TRIM37: variants seen among roughly 807,000 people sequenced by gnomAD.
The protein encoded by TRIM37 is E3 ubiquitin-protein ligase TRIM37.
TRIM37 carries 80 observed loss-of-function variants against 129.8 expected under a neutral mutation model. That is an observed-to-expected ratio of 0.62 (90% confidence interval 0.51 to 0.74). The LOEUF is 0.74. Ranked by LOEUF, TRIM37 falls within the 30% of genes least tolerant of loss-of-function variation. The pLI, the probability that TRIM37 is intolerant of heterozygous loss-of-function variation, is 0.00. For synonymous variants in TRIM37, 389 were observed against 387.1 expected, an observed-to-expected ratio of 1.00 and a Z score of -0.06; for missense variants, 1,054 against 1,176.5, an observed-to-expected ratio of 0.90 and a Z score of 1.52.
intron 8 of TRIM37, among the ~76,000 whole-genome samples, chr17:59,074,718 A>C (rs2042661847): frequency 6.6e-6 from 1 of 152,232 alleles, no homozygotes; most frequent in South Asian, 2.1e-4. Context: ...TAAAAATCTC[A>C]GGAGACAGCT....
At chr17:59,025,661 G>A (rs963224793) in intron 19 of TRIM37, among the ~76,000 whole-genome samples, 7 of 151,850 alleles carry the variant, frequency 4.6e-5, no homozygotes, top group African/African-American at 1.7e-4. Flanking sequence ...ATGCAGGTTT[G>A]GCATCACCCG....
intron 22 of TRIM37, among the ~76,000 whole-genome samples, chr17:59,006,034 T>C (rs1005531048): frequency 4.6e-5 from 7 of 152,198 alleles, no homozygotes; most frequent in Non-Finnish European, 5.9e-5. Context: ...TTCTGTGTTG[T>C]TAAAATTAAT....
chr17:59,080,038 C>T (rs1187512454), intron 6 of TRIM37, among the ~76,000 whole-genome samples, 161 bp from the exon 7 acceptor site: 1 of 152,160 alleles, frequency 6.6e-6, no homozygotes, highest in Non-Finnish European at 1.5e-5. Context: ...GGCAGACATG[C>T]AATCAAAAAC....
chr17:58,972,909 G>A, the TRIM37 span: 4 of 1,612,528 alleles, frequency 2.5e-6, no homozygotes, highest in Admixed American at 3.3e-5. Context: ...GAAGTCTGTC[G>A]GTTTCCAGAG....
At chr17:59,105,064 C>T (rs1395118889) in intron 1 of TRIM37, among the ~76,000 whole-genome samples, 1 of 147,802 alleles carries the variant, frequency 6.8e-6, no homozygotes. Flanking sequence ...TGCACTCTAG[C>T]CTGGGTGACA....
chr17:59,064,443 A>C (rs1462878210), intron 9 of TRIM37, 38 bp from the exon 10 acceptor site: 4 of 1,505,358 alleles, frequency 2.7e-6, no homozygotes, highest in Non-Finnish European at 3.6e-6. Context: ...TTTAGCTTAC[A>C]TGTTTAAAAT....
rs71375106 is a variant in TRIM37 at position 59,081,953 on chromosome 17, T to C, written c.370-734A>G. Among the ~76,000 whole-genome samples, 5 of 113,316 alleles carry C rather than the reference T, an allele frequency of 4.4e-5. 1 individual carries two copies. The South Asian group carries it at 1.4e-3, about 32-fold the overall frequency. 74.3% of individuals were successfully genotyped at this position (113,316 alleles called of 152,430 possible). On this transcript the variant is annotated intron_variant, in intron 5 of 23. Coordinates refer to ENST00000262294, the MANE Select transcript of TRIM37 (RefSeq NM_015294.6). Reference sequence around the variant, plus strand: ...AATAAAAACCAAAAAAAAAAAAAAATAAAAAAAAAAAAATAATAATAATAA... The same window carrying C: ...AATAAAAACCAAAAAAAAAAAAAAACAAAAAAAAAAAAATAATAATAATAA...
At chr17:59,033,340 G>A (rs2038095644) in intron 17 of TRIM37, among the ~76,000 whole-genome samples, 1 of 152,084 alleles carries the variant, frequency 6.6e-6, no homozygotes, top group East Asian at 1.9e-4. Context: ...CTCTTCTAAG[G>A]ATTATTATCT....
chr17:59,073,933 T>C (rs1432646643), intron 8 of TRIM37, among the ~76,000 whole-genome samples: 1 of 152,242 alleles, frequency 6.6e-6, no homozygotes, highest in East Asian at 1.9e-4. Flanking sequence ...TCAACGTTTT[T>C]TTAAAAAGTA....
At chr17:58,976,530 T>C in the TRIM37 span, among the ~76,000 whole-genome samples, 60 of 152,226 alleles carry the variant, frequency 3.9e-4, 1 homozygote, top group South Asian at 1.9e-3. Context: ...CTTATAAAAA[T>C]GAAAAGGTTT....
chr17:59,057,112 A>C lies in TRIM37; in HGVS notation c.1020-58T>G, dbSNP rs573090494. 14 of 1,458,880 alleles carry C rather than the reference A, an allele frequency of 9.6e-6. 1 individual carries two copies. In the Admixed American group the frequency reaches 2.4e-4, roughly 25 times the overall value. 90.4% of individuals were successfully genotyped at this position (1,458,880 alleles called of 1,614,324 possible). A position where few individuals can be genotyped will look rare whatever the true frequency, so the allele number is the denominator to read the frequency against. ...TTAGTAAAGTAAGAATAAAAAACAAACTCATCTAAACATTAAGGTCACTAA... is the reference window on the plus strand; with the variant it reads ...TTAGTAAAGTAAGAATAAAAAACAACCTCATCTAAACATTAAGGTCACTAA... On this transcript the variant is annotated intron_variant, in intron 12 of 23. Transcript: ENST00000262294.
At position 58,998,922 on chromosome 17, in the gene TRIM37, TAC is replaced by T. The variant is rs2144387060; in HGVS notation, c.*453_*454del. On this transcript the variant is annotated 3_prime_UTR_variant, in exon 24 of 24. Coordinates refer to ENST00000262294, the MANE Select transcript of TRIM37 (RefSeq NM_015294.6). ...CAAAGCAATTTTCTGTTCACTAATC[TAC>T]AGGCACTAATGGAACTGTAATTAAA... is the stretch of plus-strand genomic sequence containing the variant. 1 of 1,027,266 alleles carries T rather than the reference TAC, an allele frequency of 9.7e-7. No individual in the cohort carries two copies. The highest frequency in any genetic ancestry group is 1.7e-5 in the African/African-American group (1 of 57,742). The allele number at this position is 1,027,266 out of a possible 1,614,324, so 63.6% of individuals were successfully genotyped here.
intron 13 of TRIM37, among the ~76,000 whole-genome samples, chr17:59,051,832 G>A (rs2040379627): frequency 6.6e-6 from 1 of 151,486 alleles, no homozygotes; most frequent in Non-Finnish European, 1.5e-5. Context: ...CCGGGTTCAC[G>A]CCATTCTCCT....
intron 9 of TRIM37, among the ~76,000 whole-genome samples, chr17:59,065,432 T>C (rs1263465498): frequency 6.6e-6 from 1 of 152,232 alleles, no homozygotes; most frequent in East Asian, 1.9e-4. Context: ...ACACTCACAC[T>C]TTCTTGGCAA....
At chr17:58,989,713 T>A (rs1488469615) in intron 24 of TRIM37, among the ~76,000 whole-genome samples, 1 of 151,808 alleles carries the variant, frequency 6.6e-6, no homozygotes, top group African/African-American at 2.4e-5. Flanking sequence ...GAAAACAAAA[T>A]CAACCCAGAA....
chr17:59,034,071 C>T (rs1328446824), intron 17 of TRIM37, among the ~76,000 whole-genome samples: 1 of 151,124 alleles, frequency 6.6e-6, no homozygotes, highest in Non-Finnish European at 1.5e-5. Flanking sequence ...CACACCACTG[C>T]ACTCTAGTCT....
intron 24 of TRIM37, among the ~76,000 whole-genome samples, chr17:58,985,587 T>C (rs569597853): frequency 2.2e-4 from 34 of 152,296 alleles, no homozygotes; most frequent in African/African-American, 7.9e-4. Flanking sequence ...AGATGAGCTG[T>C]GGTGGAAAGC....
intron 16 of TRIM37, among the ~76,000 whole-genome samples, chr17:59,042,408 G>A (rs1307139775): frequency 1.1e-5 from 1 of 90,044 alleles, no homozygotes; most frequent in Non-Finnish European, 2.2e-5. Flanking sequence ...GTTCTTCTTA[G>A]AAAGCTAAGA....
intron 2 of TRIM37, among the ~76,000 whole-genome samples, chr17:59,093,107 G>A (rs368156626): frequency 6.6e-6 from 1 of 151,992 alleles, no homozygotes; most frequent in East Asian, 1.9e-4. Context: ...CCGAGACAGC[G>A]CCACGGCACT....
Sources: allele counts gnomAD v4.1 joint callset (sites outside exome capture counted in the v4.1 genomes callset), GRCh38; gene constraint gnomAD v4.1.1; transcripts MANE v1.5; gene names NCBI Gene and HGNC (gene_info 2026-07-23, HGNC 2026-07-21).